Variants in NXN observed in about 807,000 individuals in gnomAD.
The protein encoded by NXN is nucleoredoxin.
In NXN, 16 loss-of-function variants were observed where a neutral mutation model predicts 48.6. That is an observed-to-expected ratio of 0.33 (90% CI 0.22 to 0.50). The LOEUF is 0.50. Among genes scored for constraint, NXN ranks in the 20% least tolerant of loss-of-function variants. The pLI is 0.98. For missense variants in NXN, 492 were observed against 605.5 expected (o/e 0.81, Z 1.97); for synonymous variants, 281 against 269.6 (o/e 1.04, Z -0.41).
chr17:853,723 A>ATTT lies in NXN; in HGVS notation c.361-27648_361-27646dup, dbSNP rs1221156589. Among the ~76,000 whole-genome samples, 486 of 105,948 alleles carry ATTT rather than the reference A, an allele frequency of 4.6e-3. 12 individuals are homozygous for ATTT. Among genetic ancestry groups the ATTT allele is most frequent in the African/African-American group, 0.019 (432 of 23,216 alleles). The allele number at this position is 105,948 out of a possible 152,430, so 69.5% of individuals were successfully genotyped here. Reference sequence around the variant, plus strand: ...TACACATATATATATATATATATATATTTTTTTTTTTTTTTCCAAGACGGA... The same window carrying ATTT: ...TACACATATATATATATATATATATATTTTTTTTTTTTTTTTTTCCAAGACGGA... On this transcript the variant is annotated intron_variant, in intron 1 of 7. Transcript: ENST00000336868.
At chr17:848,455 A>C (rs2067888954) in intron 1 of NXN, among the ~76,000 whole-genome samples, 1 of 152,198 alleles carries the variant, frequency 6.6e-6, no homozygotes, top group South Asian at 2.1e-4. Context: ...TCTTGTCTCT[A>C]AAAGGTACTG....
chr17:936,773 T>C (rs552956732), intron 1 of NXN, among the ~76,000 whole-genome samples: 1 of 150,178 alleles, frequency 6.7e-6, no homozygotes, highest in Admixed American at 6.7e-5. Context: ...TACGAGATAC[T>C]TCACAGAGGT....
At chr17:868,683 G>A (rs1022543930) in intron 1 of NXN, among the ~76,000 whole-genome samples, 22 of 152,102 alleles carry the variant, frequency 1.4e-4, no homozygotes, top group African/African-American at 4.8e-4. Context: ...TAGTAGAGAC[G>A]GGGTTTCACC....
chr17:815,723 G>A (rs1912435198), intron 5 of NXN, among the ~76,000 whole-genome samples: 1 of 152,240 alleles, frequency 6.6e-6, no homozygotes, highest in Non-Finnish European at 1.5e-5. Flanking sequence ...TCTGCAAAGC[G>A]CAGGGCCTGT....
chr17:850,610 T>C (rs2067913356), intron 1 of NXN, among the ~76,000 whole-genome samples: 1 of 152,006 alleles, frequency 6.6e-6, no homozygotes, highest in South Asian at 2.1e-4. Flanking sequence ...GCACCCAGTT[T>C]TGCTCACTCG....
chr17:961,474 G>A (rs1489552914), intron 1 of NXN, among the ~76,000 whole-genome samples: 1 of 152,154 alleles, frequency 6.6e-6, no homozygotes, highest in African/African-American at 2.4e-5. Context: ...TTAACATTCA[G>A]AGGATTTCCA....
At chr17:876,988 G>A (rs1474347180) in intron 1 of NXN, among the ~76,000 whole-genome samples, 1 of 150,148 alleles carries the variant, frequency 6.7e-6, no homozygotes, top group African/African-American at 2.5e-5. Flanking sequence ...GCTGAGGCAG[G>A]AGAATCACTT....
chr17:835,720 G>A lies in NXN; in HGVS notation c.361-9642C>T, dbSNP rs761581973. Among the ~76,000 whole-genome samples the A allele has an allele frequency of 1.3e-4, 18 of 134,542 alleles. 2 individuals are homozygous for A. The South Asian group carries it at 1.5e-3, about 11-fold the overall frequency. 88.3% of individuals were successfully genotyped at this position (134,542 alleles called of 152,430 possible). On this transcript the variant is annotated intron_variant, in intron 1 of 7. Coordinates refer to ENST00000336868, the MANE Select transcript of NXN (RefSeq NM_022463.5). Reference sequence around the variant, plus strand: ...GGGATTCGTCAGCCTCATAGAGGCCGCAGGGAAAAAACACCGGTGGGATTC... The same window carrying A: ...GGGATTCGTCAGCCTCATAGAGGCCACAGGGAAAAAACACCGGTGGGATTC...
Position 849,725 on chromosome 17 carries a change from AGAG to A in NXN, c.361-23650_361-23648del, listed in dbSNP as rs2144742446. Among the ~76,000 whole-genome samples, 1 of 152,292 alleles carries A rather than the reference AGAG, an allele frequency of 6.6e-6. No homozygotes were observed. The highest frequency in any genetic ancestry group is 2.1e-4 in the South Asian group (1 of 4,822). On this transcript the variant is annotated intron_variant, in intron 1 of 7. Coordinates refer to ENST00000336868, the MANE Select transcript of NXN (RefSeq NM_022463.5). The surrounding 1 kb of genome is among the most constrained non-coding windows in gnomAD (Gnocchi z 4.2). Reference sequence around the variant, plus strand: ...AAACGTGGCAGGATGCAGAGCAGGTAGAGGAGTGCTGAAGAGCTGACAGTGGAG... The same window carrying A: ...AAACGTGGCAGGATGCAGAGCAGGTAGAGTGCTGAAGAGCTGACAGTGGAG...
At chr17:889,761 A>AGAGAAAG (rs1555619044) in intron 1 of NXN, among the ~76,000 whole-genome samples, 11 of 70,828 alleles carry the variant, frequency 1.6e-4, no homozygotes, top group African/African-American at 5.2e-4. Context: ...GAAAGAAAGA[A>AGAGAAAG]AAAGAAAGAA....
chr17:921,007 C>T (rs1208830506), intron 1 of NXN, among the ~76,000 whole-genome samples: 2 of 152,186 alleles, frequency 1.3e-5, no homozygotes, highest in Admixed American at 1.3e-4. Flanking sequence ...CAGGTGTGAG[C>T]CACCGTGCCC....
intron 1 of NXN, among the ~76,000 whole-genome samples, chr17:829,997 T>C (rs938725279): frequency 8.5e-5 from 13 of 152,134 alleles, no homozygotes; most frequent in Non-Finnish European, 1.5e-4. Context: ...AGTAATGGGA[T>C]TGCTGGGTCA....
At position 917,333 on chromosome 17, in the gene NXN, G is replaced by T. The variant is rs1286990127; in HGVS notation, c.360+61986C>A. On this transcript the variant is annotated intron_variant, in intron 1 of 7. Coordinates refer to ENST00000336868, the MANE Select transcript of NXN (RefSeq NM_022463.5). This position sits in a 1 kb window ranked among gnomAD's most constrained non-coding sequence, Gnocchi z 4.5. ...ATTTTTTGTATTTTTAGTAGAGACGGGGTTTCACCATGTTGGCCAGGCTGG... is the reference window on the plus strand; with the variant it reads ...ATTTTTTGTATTTTTAGTAGAGACGTGGTTTCACCATGTTGGCCAGGCTGG... 3.9e-5 allele frequency among the ~76,000 whole-genome samples: 6 copies of T among 152,180 alleles called. No homozygotes were observed. The highest frequency in any genetic ancestry group is 1.5e-5 in the Non-Finnish European group (1 of 68,030).
At chr17:966,097 C>A (rs1439046261) in intron 1 of NXN, among the ~76,000 whole-genome samples, 1 of 147,196 alleles carries the variant, frequency 6.8e-6, no homozygotes, top group Non-Finnish European at 1.5e-5. Flanking sequence ...GCTTGGGCAA[C>A]AGGAGCAAAA....
chr17:820,465 AG>A (rs1912765228), intron 4 of NXN, among the ~76,000 whole-genome samples: 2 of 143,602 alleles, frequency 1.4e-5, no homozygotes, highest in African/African-American at 5.3e-5. Context: ...CAAAAAAATT[AG>A]CTGGGCATGG....
intron 1 of NXN, among the ~76,000 whole-genome samples, chr17:915,934 G>C (rs190193054): frequency 7.5e-6 from 1 of 134,102 alleles, no homozygotes; most frequent in Admixed American, 7.1e-5. Flanking sequence ...TAGAGTTTTG[G>C]TCTCCAAGCA....
chr17:843,006 G>A (rs4968121), intron 1 of NXN, among the ~76,000 whole-genome samples: 4,583 of 94,898 alleles, frequency 0.048, 102 homozygotes, highest in African/African-American at 0.088. Flanking sequence ...GAGAGAAAGA[G>A]AGAAAGAAAG....
In NXN at chr17:825,757, G is replaced by A. The variant is rs1913066658; in HGVS notation, c.478+204C>T. The A allele has an allele frequency of 1.8e-6, 1 of 541,220 alleles. No individual in the cohort carries two copies. Among genetic ancestry groups the A allele is most frequent in the Non-Finnish European group, 3.3e-6 (1 of 304,370 alleles). 33.5% of individuals were successfully genotyped at this position (541,220 alleles called of 1,614,324 possible). On this transcript the variant is annotated intron_variant, in intron 2 of 7. Transcript: ENST00000336868. This position sits in a 1 kb window ranked among gnomAD's most constrained non-coding sequence, Gnocchi z 4.1. ...GCCCATGAATTAAAGCCCCTAGGAG[G>A]GACATTCTGATCCCTGTGAAAATCT...
chr17:970,222 CAG>C (rs2069357639), intron 1 of NXN, among the ~76,000 whole-genome samples: 1 of 152,116 alleles, frequency 6.6e-6, no homozygotes, highest in African/African-American at 2.4e-5. Flanking sequence ...CGTCGTGGTG[CAG>C]AAAGCACAGG....
Sources: gnomAD v4.1 joint callset for allele counts (sites outside exome capture counted in the v4.1 genomes callset) on GRCh38, gnomAD v4.1.1 for gene constraint, Gnocchi (gnomAD v3.1) non-coding constraint, MANE v1.5 for transcripts, NCBI Gene and HGNC (gene_info 2026-07-23, HGNC 2026-07-21) for gene names.